Variants in FRMPD2 observed in about 807,000 individuals in gnomAD.
FRMPD2 encodes the protein FERM and PDZ domain containing 2.
FRMPD2 carries 96 observed loss-of-function variants against 140.1 expected under a neutral mutation model. That is an observed-to-expected ratio of 0.69 (90% CI 0.58 to 0.81). The LOEUF (loss-of-function observed/expected upper bound fraction) is 0.81. Ranked by LOEUF, FRMPD2 falls within the 40% of genes least tolerant of loss-of-function variation. FRMPD2 has a pLI of 0.00. For synonymous variants in FRMPD2, 449 were observed against 547.6 expected, an observed-to-expected ratio of 0.82 and a Z score of 2.52; for missense variants, 1,240 against 1,447.4, an observed-to-expected ratio of 0.86 and a Z score of 2.32.
chr10:48,181,138 T>C, intron 20 of FRMPD2, 130 bp from the exon 21 acceptor site: 1 of 644,616 alleles, frequency 1.6e-6, no homozygotes, highest in Non-Finnish European at 2.8e-6. Flanking sequence ...ACAATATGAA[T>C]TTAGCTCCTC....
intron 10 of FRMPD2, among the ~76,000 whole-genome samples, chr10:48,229,479 C>A (rs1839799765): frequency 6.6e-6 from 1 of 152,070 alleles, no homozygotes; most frequent in Non-Finnish European, 1.5e-5. Flanking sequence ...TTGGAAGCAA[C>A]AAAGGATATG....
Position 48,201,209 on chromosome 10 carries a change from GAATAC to G in FRMPD2, c.1954+14_1954+18del, listed in dbSNP as rs549618268. The G allele has an allele frequency of 2.0e-5, 31 of 1,579,336 alleles. No homozygotes were observed. In the East Asian group the frequency reaches 6.4e-4, roughly 32 times the overall value. On this transcript the variant is annotated intron_variant, in intron 15 of 28. Transcript: ENST00000374201. ...ACAAACTTGTCAAAGTGTATATGGAGAATACAGCTTCTACTCACCAAATAAAACAT... is the reference window on the plus strand; with the variant it reads ...ACAAACTTGTCAAAGTGTATATGGAGAGCTTCTACTCACCAAATAAAACAT...
intron 1 of FRMPD2, among the ~76,000 whole-genome samples, chr10:48,255,209 G>A (rs1840465270): frequency 6.6e-6 from 1 of 152,132 alleles, no homozygotes; most frequent in South Asian, 2.1e-4. Context: ...TAGCATAGAA[G>A]TCTTCTTTGC....
chr10:48,234,932 C>T lies in FRMPD2; in HGVS notation c.993+1550G>A, dbSNP rs548902634. ...CATCACAGCAGGTCTGGCCCATCTA[C>T]CCGGTGGGTAGAGGAGTCTCCAGTC... On this transcript the variant is annotated intron_variant, in intron 9 of 28. Transcript: ENST00000374201. Among the ~76,000 whole-genome samples the T allele has an allele frequency of 2.6e-5, 4 of 152,294 alleles. No individual in the cohort carries two copies. The South Asian group carries it at 8.3e-4, about 32-fold the overall frequency.
In FRMPD2 at chr10:48,211,947, G is replaced by A. The variant is rs1178985756; in HGVS notation, c.1611+7C>T. ...CAACACCTCTCTCCAGGTCAGGAAGGCCTTACCCTCAAGAACTTCAGCTCA... is the reference window on the plus strand; with the variant it reads ...CAACACCTCTCTCCAGGTCAGGAAGACCTTACCCTCAAGAACTTCAGCTCA... On this transcript the variant is annotated splice_region_variant and intron_variant, in intron 13 of 28. Coordinates refer to ENST00000374201, the MANE Select transcript of FRMPD2 (RefSeq NM_001018071.4). 30 of 1,612,698 alleles carry A rather than the reference G, an allele frequency of 1.9e-5. No individual in the cohort carries two copies. The highest frequency in any genetic ancestry group is 2.5e-5 in the Non-Finnish European group (29 of 1,179,470).
chr10:48,192,663 G>A, intron 16 of FRMPD2, 21 bp downstream of exon 16: 1 of 1,605,536 alleles, frequency 6.2e-7, no homozygotes, highest in South Asian at 1.1e-5. Context: ...TGGGCCCAGA[G>A]AACAAATGTG....
In FRMPD2 at chr10:48,183,714, T is replaced by C. The variant is rs185971590; in HGVS notation, c.2584+852A>G. Among the ~76,000 whole-genome samples, 110 of 151,828 alleles carry C rather than the reference T, an allele frequency of 7.2e-4. No individual in the cohort carries two copies. In the Middle Eastern group the frequency reaches 0.014, roughly 19 times the overall value. On this transcript the variant is annotated intron_variant, in intron 20 of 28. Transcript: ENST00000374201. ...AAAAAATACAAAAATTAGCCGGGTG[T>C]GGCAGCGCGTGCCTGTAATCCCAGC...
chr10:48,231,257 G>T (rs1193025723), intron 10 of FRMPD2, among the ~76,000 whole-genome samples: 1 of 152,198 alleles, frequency 6.6e-6, no homozygotes, highest in African/African-American at 2.4e-5. Flanking sequence ...AATGGAGCTG[G>T]GAGGCCATAA....
At chr10:48,215,265 A>G (rs900664302) in intron 12 of FRMPD2, among the ~76,000 whole-genome samples, 12 of 152,108 alleles carry the variant, frequency 7.9e-5, no homozygotes, top group African/African-American at 2.7e-4. Flanking sequence ...ACCCAGCTTC[A>G]CAGCCACCGA....
intron 6 of FRMPD2, 62 bp downstream of exon 6, chr10:48,240,298 G>A (rs1840074202): frequency 6.4e-6 from 10 of 1,566,616 alleles, no homozygotes; most frequent in African/African-American, 1.3e-5. Context: ...CCCATACAGG[G>A]CAGGAAAAAA....
intron 17 of FRMPD2, among the ~76,000 whole-genome samples, chr10:48,186,508 G>A (rs963684772): frequency 2.0e-5 from 3 of 152,142 alleles, no homozygotes; most frequent in African/African-American, 7.2e-5. Flanking sequence ...TAAGTCTCAC[G>A]AGATCTGATG....
chr10:48,231,119 G>A (rs543757951), intron 10 of FRMPD2, among the ~76,000 whole-genome samples: 103 of 152,268 alleles, frequency 6.8e-4, no homozygotes, highest in Middle Eastern at 3.4e-3. Context: ...TCCCAGTACC[G>A]AGGAACAATC....
chr10:48,274,724 C>T (rs997791343), upstream of FRMPD2: 73 of 679,154 alleles, frequency 1.1e-4, no homozygotes, highest in South Asian at 4.3e-4. Flanking sequence ...TGCTGCCCAG[C>T]GAGTGAGTCA....
At chr10:48,182,124 A>G (rs1488667555) in intron 20 of FRMPD2, among the ~76,000 whole-genome samples, 5 of 152,096 alleles carry the variant, frequency 3.3e-5, no homozygotes, top group African/African-American at 4.8e-5. Flanking sequence ...TTCAATTTAA[A>G]TAAATCTGAT....
At chr10:48,164,114 C>T (rs544500102) in intron 27 of FRMPD2, among the ~76,000 whole-genome samples, 4,849 of 150,420 alleles carry the variant, frequency 0.032, 372 homozygotes, top group African/African-American at 0.11. Context: ...ACATGACTTG[C>T]TTCGTCTCAA....
At chr10:48,219,786 T>C (rs1762958791) in intron 12 of FRMPD2, among the ~76,000 whole-genome samples, 2 of 152,236 alleles carry the variant, frequency 1.3e-5, no homozygotes. Context: ...AACAGAGGAC[T>C]ATCATTGGCA....
intron 4 of FRMPD2, among the ~76,000 whole-genome samples, chr10:48,243,510 A>AT (rs1226529490): frequency 6.6e-6 from 1 of 152,230 alleles, no homozygotes; most frequent in Non-Finnish European, 1.5e-5. Context: ...ATAGCAGAGC[A>AT]TTAAACTAAG....
chr10:48,268,944 A>C (rs1220878425), intron 1 of FRMPD2, among the ~76,000 whole-genome samples: 9 of 152,238 alleles, frequency 5.9e-5, no homozygotes, highest in Non-Finnish European at 8.8e-5. Flanking sequence ...ACTTCTTTGC[A>C]ACTTTTTATC....
intron 12 of FRMPD2, among the ~76,000 whole-genome samples, chr10:48,221,936 G>A: frequency 6.6e-6 from 1 of 151,032 alleles, no homozygotes; most frequent in South Asian, 2.1e-4. Flanking sequence ...ATAGATCAAT[G>A]GATAGATGAA....
Sources: allele counts gnomAD v4.1 joint callset (sites outside exome capture counted in the v4.1 genomes callset), GRCh38; gene constraint gnomAD v4.1.1; transcripts MANE v1.5; gene names NCBI Gene and HGNC (gene_info 2026-07-23, HGNC 2026-07-21).